RGS17: variants seen among roughly 807,000 people sequenced by gnomAD.
The protein encoded by RGS17 is regulator of G protein signaling 17, also known as regulator of G-protein signaling 17.
A neutral mutation model predicts 25.5 loss-of-function variants in RGS17; 12 were observed. The ratio of observed to expected loss-of-function variants is 0.47; its 90% confidence interval spans 0.30 to 0.76. RGS17 has a LOEUF of 0.76. Ranked by LOEUF, RGS17 falls within the 30% of genes least tolerant of loss-of-function variation. The probability of loss-of-function intolerance (pLI) is 0.07; values close to 1 mark genes in which losing one functional copy is unlikely to be tolerated. For synonymous variants in RGS17, 71 were observed against 76.9 expected (o/e 0.92, Z 0.40); for missense variants, 196 against 242.2 (o/e 0.81, Z 1.27).
chr6:153,058,447 C>T (rs539521479), intron 1 of RGS17, among the ~76,000 whole-genome samples: 15 of 152,170 alleles, frequency 9.9e-5, no homozygotes, highest in Non-Finnish European at 1.9e-4. Flanking sequence ...CTTTTTATCA[C>T]ATGTAAATGA....
intron 2 of RGS17, among the ~76,000 whole-genome samples, chr6:153,037,549 C>A (rs966824964): frequency 6.6e-6 from 1 of 151,970 alleles, no homozygotes; most frequent in Non-Finnish European, 1.5e-5. Context: ...CCTCCGCCTC[C>A]TGAGTAGCTG....
chr6:153,006,845 CAT>C lies in RGS17; in HGVS notation c.*4727_*4728del, dbSNP rs1347989528. The C allele has an allele frequency of 5.9e-5, 9 of 152,216 alleles. No homozygotes were observed. The highest frequency in any genetic ancestry group is 2.0e-4 in the Admixed American group (3 of 15,282). The allele number at this position is 152,216 out of a possible 1,614,324, so 9.4% of individuals were successfully genotyped here. A position where few individuals can be genotyped will look rare whatever the true frequency, so the allele number is the denominator to read the frequency against. ...AAGATAAATGATTTGCCCAAAGTCA[CAT>C]GAGACAGAAATATAACTTGAAATCA... On this transcript the variant is annotated 3_prime_UTR_variant, in exon 5 of 5. Coordinates refer to ENST00000206262, the MANE Select transcript of RGS17 (RefSeq NM_012419.5).
At chr6:153,129,955 C>T (rs1240634650) in intron 1 of RGS17, among the ~76,000 whole-genome samples, 1 of 151,960 alleles carries the variant, frequency 6.6e-6, no homozygotes, top group African/African-American at 2.4e-5. Flanking sequence ...GTACGCAGGG[C>T]GGGCGCGCGG....
At chr6:153,024,705 C>A (rs1187003307) in intron 3 of RGS17, among the ~76,000 whole-genome samples, 1 of 152,104 alleles carries the variant, frequency 6.6e-6, no homozygotes, top group Non-Finnish European at 1.5e-5. Context: ...TTCACACAGG[C>A]ATAAGAGACA....
intron 2 of RGS17, among the ~76,000 whole-genome samples, chr6:153,036,452 G>C (rs920216984): frequency 3.3e-5 from 5 of 152,146 alleles, no homozygotes; most frequent in Non-Finnish European, 5.9e-5. Flanking sequence ...GGTGTGTCCT[G>C]AGGTTTCTGT....
intron 1 of RGS17, among the ~76,000 whole-genome samples, chr6:153,095,716 T>C (rs767402940): frequency 1.8e-4 from 27 of 152,210 alleles, no homozygotes; most frequent in Non-Finnish European, 3.4e-4. Flanking sequence ...ATATTATTCA[T>C]ATTTGTTGAG....
Position 153,011,630 on chromosome 6 carries a change from A to T in RGS17, c.577T>A (p.Ser193Thr). 4 of 1,612,282 alleles carry T rather than the reference A, an allele frequency of 2.5e-6. No homozygotes were observed. Among genetic ancestry groups the T allele is most frequent in the Non-Finnish European group, 3.4e-6 (4 of 1,178,958 alleles). ...TCAACAAATGACTTATAAATTTGAG[A>T]GTTCAAAAACCTTGGAAAAGAATCT... ...HRDSFPRFLN[S>T]QIYKSFVEST... Residue 193 changes from serine to threonine, a missense_variant, in exon 5 of 5, where the codon TCT becomes ACT. Physicochemically the swap from Ser to Thr is moderately conservative, Grantham distance 58 (BLOSUM62 1). Transcript: ENST00000206262.
In RGS17 at chr6:153,130,215, C is replaced by G. The variant is rs1236770024; in HGVS notation, c.-26+909G>C. On this transcript the variant is annotated intron_variant, in intron 1 of 4. Coordinates refer to ENST00000206262, the MANE Select transcript of RGS17 (RefSeq NM_012419.5). The surrounding 1 kb of genome is among the most constrained non-coding windows in gnomAD (Gnocchi z 6.4). ...TGCACCCAGCCTCTGCCGCAGCACT[C>G]GATGAGGGACAGCAGGGAGGCTGGC... Among the ~76,000 whole-genome samples the G allele has an allele frequency of 6.6e-6, 1 of 152,112 alleles. No individual in the cohort carries two copies. Among genetic ancestry groups the G allele is most frequent in the East Asian group, 1.9e-4 (1 of 5,178 alleles).
At chr6:153,036,055 T>G (rs1427054146) in intron 2 of RGS17, among the ~76,000 whole-genome samples, 2 of 152,126 alleles carry the variant, frequency 1.3e-5, no homozygotes, top group African/African-American at 2.4e-5. Flanking sequence ...TAACAGTCCC[T>G]TGCTGTGTTT....
intron 1 of RGS17, among the ~76,000 whole-genome samples, chr6:153,088,245 A>G (rs570955203): frequency 9.8e-5 from 15 of 152,346 alleles, no homozygotes; most frequent in African/African-American, 3.4e-4. Context: ...GTTCTAAGCC[A>G]GAAGCACTCA....
At chr6:153,047,339 A>G (rs1387215100) in intron 1 of RGS17, among the ~76,000 whole-genome samples, 1 of 152,218 alleles carries the variant, frequency 6.6e-6, no homozygotes, top group African/African-American at 2.4e-5. Flanking sequence ...ACACTCAAGA[A>G]TTAAATTTAA....
At chr6:153,129,230 TA>T (rs1308027476) in intron 1 of RGS17, among the ~76,000 whole-genome samples, 1 of 152,218 alleles carries the variant, frequency 6.6e-6, no homozygotes, top group Non-Finnish European at 1.5e-5. Flanking sequence ...AACTAGTGAA[TA>T]AATCCAGTCT....
chr6:153,062,829 A>G (rs1183702370), intron 1 of RGS17, among the ~76,000 whole-genome samples: 1 of 152,016 alleles, frequency 6.6e-6, no homozygotes. Flanking sequence ...CACTAATCGG[A>G]GTCATGAGGT....
chr6:153,089,482 G>C (rs1235295085), intron 1 of RGS17, among the ~76,000 whole-genome samples: 1 of 152,128 alleles, frequency 6.6e-6, no homozygotes, highest in Non-Finnish European at 1.5e-5. Context: ...CAGTCATTTA[G>C]TGAATGTTGC....
chr6:153,077,884 T>A (rs1000796521), intron 1 of RGS17, among the ~76,000 whole-genome samples: 13 of 152,052 alleles, frequency 8.5e-5, no homozygotes, highest in Non-Finnish European at 1.3e-4. Flanking sequence ...TTTTTATTTT[T>A]TTTTTTTGAG....
chr6:153,126,731 G>A (rs1777709651), intron 1 of RGS17, among the ~76,000 whole-genome samples: 1 of 152,176 alleles, frequency 6.6e-6, no homozygotes, highest in Non-Finnish European at 1.5e-5. Flanking sequence ...GCAAGAACTA[G>A]CTGTTCTAAG....
Position 153,006,940 on chromosome 6 carries a change from T to A in RGS17, c.*4634A>T, listed in dbSNP as rs1779082676. The stretch of plus-strand genomic sequence containing the variant: ...CTAAGTGAATCTGTGGACATACATT[T>A]CCATTAGTAACCTTACTCATCTTAT... On this transcript the variant is annotated 3_prime_UTR_variant, in exon 5 of 5. Coordinates refer to ENST00000206262, the MANE Select transcript of RGS17 (RefSeq NM_012419.5). 6.6e-6 allele frequency: 1 copy of A among 152,218 alleles called. No homozygotes were observed. Among genetic ancestry groups the A allele is most frequent in the Non-Finnish European group, 1.5e-5 (1 of 68,038 alleles). 9.4% of individuals were successfully genotyped at this position (152,218 alleles called of 1,614,324 possible).
At chr6:153,111,761 T>C (rs529049618) in intron 1 of RGS17, among the ~76,000 whole-genome samples, 1 of 152,308 alleles carries the variant, frequency 6.6e-6, no homozygotes, top group Non-Finnish European at 1.5e-5. Flanking sequence ...CAGCAATCTT[T>C]GCTGTTCTGC....
intron 1 of RGS17, among the ~76,000 whole-genome samples, chr6:153,112,623 A>G (rs1450427189): frequency 6.6e-6 from 1 of 152,200 alleles, no homozygotes; most frequent in Non-Finnish European, 1.5e-5. Context: ...CCTAATCGTC[A>G]GATTCACCAA....
Sources: gnomAD v4.1 joint callset for allele counts (sites outside exome capture counted in the v4.1 genomes callset) on GRCh38, gnomAD v4.1.1 for gene constraint, Gnocchi (gnomAD v3.1) non-coding constraint, MANE v1.5 for transcripts, NCBI Gene and HGNC (gene_info 2026-07-23, HGNC 2026-07-21) for gene names.